The following SCFD2 variants were observed in gnomAD, a reference collection of about 807,000 sequenced individuals.
SCFD2 encodes sec1 family domain-containing protein 2.
In SCFD2, 54 loss-of-function variants were observed where a neutral mutation model predicts 58.9. That is an observed-to-expected ratio of 0.92 (90% CI 0.74 to 1.15). SCFD2 has a LOEUF of 1.15. Among genes scored for constraint, SCFD2 ranks in the 50% most tolerant of loss-of-function variants. The pLI, the probability that SCFD2 is intolerant of heterozygous loss-of-function variation, is 0.00. For synonymous variants in SCFD2, 321 were observed against 335.9 expected (o/e 0.96, Z 0.49); for missense variants, 805 against 836.6 (o/e 0.96, Z 0.47).
At chr4:53,178,511 T>A (rs1727423851) in intron 4 of SCFD2, among the ~76,000 whole-genome samples, 4 of 151,756 alleles carry the variant, frequency 2.6e-5, no homozygotes, top group Admixed American at 2.6e-4. Flanking sequence ...ATCACCATCA[T>A]CAAAGGCCAA....
intron 5 of SCFD2, among the ~76,000 whole-genome samples, chr4:53,097,591 C>G (rs1359461971): frequency 6.6e-6 from 1 of 152,154 alleles, no homozygotes; most frequent in Non-Finnish European, 1.5e-5. Flanking sequence ...GCTGAAGTTG[C>G]TTATCAGCTG....
intron 5 of SCFD2, among the ~76,000 whole-genome samples, chr4:52,963,734 G>T (rs1040343555): frequency 1.3e-5 from 2 of 152,066 alleles, no homozygotes; most frequent in Non-Finnish European, 2.9e-5. Context: ...CTGTAAATTT[G>T]GTGAGCAACA....
chr4:53,323,824 G>A (rs1733098490), intron 2 of SCFD2, among the ~76,000 whole-genome samples: 1 of 151,974 alleles, frequency 6.6e-6, no homozygotes, highest in African/African-American at 2.4e-5. Flanking sequence ...TAATTTCTGT[G>A]TTCCATGATA....
At chr4:53,354,844 A>T (rs1734355573) in intron 1 of SCFD2, among the ~76,000 whole-genome samples, 1 of 108,470 alleles carries the variant, frequency 9.2e-6, no homozygotes, top group South Asian at 2.6e-4. Flanking sequence ...CCCAAGCTGG[A>T]GTGCAATCAT....
chr4:52,920,884 GA>G lies in SCFD2; in HGVS notation c.1562-15del. 6.3e-7 allele frequency: 1 copy of G among 1,584,550 alleles called. No homozygotes were observed. The highest frequency in any genetic ancestry group is 8.6e-7 in the Non-Finnish European group (1 of 1,163,390). Reference sequence around the variant, plus strand: ...AAGAGTCCCAGTCTGAAAAAATCCAGAGATATTTTCTTGAGTGAGTAAATCT... The same window carrying G: ...AAGAGTCCCAGTCTGAAAAAATCCAGGATATTTTCTTGAGTGAGTAAATCT... On this transcript the variant is annotated splice_polypyrimidine_tract_variant and intron_variant, in intron 5 of 8. Transcript: ENST00000401642.
intron 2 of SCFD2, among the ~76,000 whole-genome samples, chr4:53,330,213 A>G (rs1733390636): frequency 6.6e-6 from 1 of 152,172 alleles, no homozygotes; most frequent in African/African-American, 2.4e-5. Flanking sequence ...TCGCAAGGCA[A>G]GCCAACGTTC....
At chr4:53,115,155 G>GT (rs2148887647) in intron 5 of SCFD2, among the ~76,000 whole-genome samples, 1 of 152,158 alleles carries the variant, frequency 6.6e-6, no homozygotes, top group African/African-American at 2.4e-5. Context: ...TACAATAAAT[G>GT]TAAGTGGTCT....
At chr4:53,253,751 AG>A in intron 4 of SCFD2, among the ~76,000 whole-genome samples, 1 of 64,682 alleles carries the variant, frequency 1.5e-5, no homozygotes, top group East Asian at 5.3e-4. Context: ...GGGTGGGGGG[AG>A]GGGGGAGGGA....
chr4:53,223,219 T>C (rs1177487969), intron 4 of SCFD2, among the ~76,000 whole-genome samples: 5 of 152,264 alleles, frequency 3.3e-5, no homozygotes, highest in African/African-American at 1.2e-4. Context: ...TTTACCCATA[T>C]GTAATTTATT....
At chr4:53,182,444 A>G (rs1268807159) in intron 4 of SCFD2, among the ~76,000 whole-genome samples, 1 of 152,238 alleles carries the variant, frequency 6.6e-6, no homozygotes, top group South Asian at 2.1e-4. Flanking sequence ...AAAACTGGCT[A>G]GCCATATGCA....
intron 5 of SCFD2, among the ~76,000 whole-genome samples, chr4:52,985,449 A>C (rs1721467181): frequency 1.3e-5 from 2 of 152,182 alleles, no homozygotes; most frequent in African/African-American, 4.8e-5. Flanking sequence ...GTTATTGAGG[A>C]TCCCAAATGC....
chr4:53,083,440 C>G (rs1275598595), intron 5 of SCFD2, among the ~76,000 whole-genome samples: 4 of 152,074 alleles, frequency 2.6e-5, no homozygotes, highest in Non-Finnish European at 4.4e-5. Context: ...ATACTTCCAA[C>G]CTTATTCTGT....
chr4:53,292,573 A>G (rs1731876082), intron 3 of SCFD2, among the ~76,000 whole-genome samples: 1 of 152,210 alleles, frequency 6.6e-6, no homozygotes, highest in African/African-American at 2.4e-5. Flanking sequence ...GAGGCTGCAG[A>G]GAAAAAGGAA....
intron 4 of SCFD2, among the ~76,000 whole-genome samples, chr4:53,213,431 G>T (rs6827392): frequency 0.43 from 65,554 of 151,884 alleles, 15,654 homozygotes; most frequent in Admixed American, 0.52. Flanking sequence ...TACAAAAAGG[G>T]GTCTGAAATT....
At chr4:52,948,746 C>T (rs1442788826) in intron 5 of SCFD2, 1 of 310,656 alleles carries the variant, frequency 3.2e-6, no homozygotes, top group African/African-American at 2.2e-5. Flanking sequence ...CTTTTCCTGA[C>T]AGTGTGTAGT....
intron 5 of SCFD2, among the ~76,000 whole-genome samples, chr4:52,939,427 T>A (rs574782471): frequency 1.3e-5 from 2 of 152,320 alleles, no homozygotes; most frequent in East Asian, 1.9e-4. Flanking sequence ...CTTGTGATTA[T>A]ACTATGTTGT....
In SCFD2 at chr4:52,904,261, G is replaced by A. The variant is rs112483426; in HGVS notation, c.1842+3196C>T. ...AGTTCTAGAATTATCCCATTTGTAC[G>A]GCAGCACCCTGAGCACAGGAAGGAT... is the stretch of plus-strand genomic sequence containing the variant. On this transcript the variant is annotated intron_variant, in intron 7 of 8. Coordinates refer to ENST00000401642, the MANE Select transcript of SCFD2 (RefSeq NM_152540.4). Among the ~76,000 whole-genome samples, 424 of 152,248 alleles carry A rather than the reference G, an allele frequency of 2.8e-3. 2 individuals carry two copies. Among genetic ancestry groups the A allele is most frequent in the Non-Finnish European group, 3.4e-3 (232 of 68,028 alleles).
chr4:52,945,267 G>A (rs1296863778), intron 5 of SCFD2, among the ~76,000 whole-genome samples: 1 of 151,976 alleles, frequency 6.6e-6, no homozygotes, highest in East Asian at 1.9e-4. Context: ...AATTTCATTC[G>A]AGATCACATT....
chr4:53,001,655 C>A (rs771944377), intron 5 of SCFD2, among the ~76,000 whole-genome samples: 4 of 152,100 alleles, frequency 2.6e-5, no homozygotes, highest in Admixed American at 6.6e-5. Flanking sequence ...CAATACAAAA[C>A]GGTGAAGTGT....
Sources: gnomAD v4.1 joint callset for allele counts (sites outside exome capture counted in the v4.1 genomes callset) on GRCh38, gnomAD v4.1.1 for gene constraint, MANE v1.5 for transcripts, NCBI Gene and HGNC (gene_info 2026-07-23, HGNC 2026-07-21) for gene names.